The following PCNX2 variants were observed in gnomAD, a reference collection of about 807,000 sequenced individuals.
The protein encoded by PCNX2 is pecanex 2.
A neutral mutation model predicts 223.8 loss-of-function variants in PCNX2; 168 were observed. The ratio of observed to expected loss-of-function variants is 0.75; its 90% CI spans 0.66 to 0.85. PCNX2 has a LOEUF of 0.85. Ranked by LOEUF, PCNX2 falls within the 40% of genes least tolerant of loss-of-function variation. The probability of loss-of-function intolerance (pLI) is 0.00; values close to 1 mark genes in which losing one functional copy is unlikely to be tolerated. For synonymous variants in PCNX2, 1,006 were observed against 1,052.6 expected, an observed-to-expected ratio of 0.96 and a Z score of 0.86; for missense variants, 2,507 against 2,675.5, an observed-to-expected ratio of 0.94 and a Z score of 1.39.
At position 233,295,495 on chromosome 1, in the gene PCNX2, G is replaced by A. The variant is rs10442595; in HGVS notation, c.-17C>T. The A allele has an allele frequency of 0.13, 203,713 of 1,543,580 alleles. 14,570 individuals carry two copies. The highest frequency in any genetic ancestry group is 0.15 in the Non-Finnish European group (167,017 of 1,143,910). On this transcript the variant is annotated 5_prime_UTR_variant, in exon 1 of 34. Transcript: ENST00000258229. This position sits in a 1 kb window ranked among gnomAD's most constrained non-coding sequence, Gnocchi z 4.1. ...GGACACCATGCCGGCTGCGCCCCGG[G>A]GCTGGTGAGCGCCCCGCTGCACCCT...
chr1:233,196,509 T>C (rs1425148247), intron 15 of PCNX2, among the ~76,000 whole-genome samples: 1 of 152,148 alleles, frequency 6.6e-6, no homozygotes, highest in Non-Finnish European at 1.5e-5. Flanking sequence ...AGAACTCTTA[T>C]GTCTCAATAA....
chr1:233,232,137 G>T (rs920897627), intron 9 of PCNX2, among the ~76,000 whole-genome samples: 2 of 152,198 alleles, frequency 1.3e-5, no homozygotes, highest in Non-Finnish European at 2.9e-5. Flanking sequence ...CAGTGGCTAT[G>T]TTTAGCAGCC....
At chr1:233,190,223 C>T (rs1250912528) in intron 15 of PCNX2, among the ~76,000 whole-genome samples, 1 of 152,004 alleles carries the variant, frequency 6.6e-6, no homozygotes, top group Non-Finnish European at 1.5e-5. Context: ...AAAAAAAAAT[C>T]AATTCCAGCA....
the PCNX2 span, among the ~76,000 whole-genome samples, chr1:233,325,076 A>G: frequency 1.3e-5 from 2 of 152,340 alleles, no homozygotes; most frequent in East Asian, 3.9e-4. Context: ...ATGGATTACA[A>G]AGTCACTTTG....
At chr1:233,018,632 T>TC (rs1213918549) in intron 26 of PCNX2, 6 of 377,032 alleles carry the variant, frequency 1.6e-5, no homozygotes, top group African/African-American at 2.2e-5. Context: ...CCAAGCCTGA[T>TC]AGGCTTGGAT....
rs75937683 is a variant in PCNX2 at position 232,986,205 on chromosome 1, C to T, written c.6127G>A (p.Val2043Ile). The change falls in exon 33 of 34, where the codon GTC becomes ATC. Residue 2043 changes from valine to isoleucine, a missense_variant. Around this residue, in one of 3 missense-constraint regions of PCNX2, gnomAD observed 1,372 missense variants for 1,509.4 expected, o/e 0.91. Coordinates refer to ENST00000258229, the MANE Select transcript of PCNX2 (RefSeq NM_014801.4). The stretch of plus-strand genomic sequence containing the variant: ...TCCGCAGCAGAGAGTCCGGAAATGA[C>T]GAGCGCGCTGGAAAAGCTCCTCTTG... ...FGKRSFSSALVISGLSAAEGG... is the reference protein window; with the variant it reads ...FGKRSFSSALIISGLSAAEGG... The T allele has an allele frequency of 8.4e-5, 131 of 1,559,428 alleles. No homozygotes were observed. In the East Asian group the frequency reaches 1.5e-3, roughly 18 times the overall value.
At chr1:233,222,735 G>A (rs965782944) in intron 10 of PCNX2, among the ~76,000 whole-genome samples, 3 of 152,122 alleles carry the variant, frequency 2.0e-5, no homozygotes, top group Admixed American at 6.5e-5. Context: ...AAGGAAAGAC[G>A]ACTCAAGGAC....
intron 21 of PCNX2, among the ~76,000 whole-genome samples, chr1:233,108,248 G>A (rs1347799117): frequency 2.0e-5 from 3 of 152,126 alleles, no homozygotes; most frequent in South Asian, 2.1e-4. Flanking sequence ...TTTCTTGTGC[G>A]AGATCCAAGA....
intron 21 of PCNX2, among the ~76,000 whole-genome samples, chr1:233,129,945 T>C (rs1033819497): frequency 1.3e-5 from 2 of 152,178 alleles, no homozygotes; most frequent in African/African-American, 4.8e-5. Context: ...GCAATAAACC[T>C]TTTTGCTGCT....
In PCNX2 at chr1:233,025,405, C is replaced by T. The variant is rs773211979; in HGVS notation, c.4352-6G>A. The T allele has an allele frequency of 5.6e-6, 9 of 1,613,050 alleles. No individual in the cohort carries two copies. Among genetic ancestry groups the T allele is most frequent in the Admixed American group, 1.7e-5 (1 of 59,994 alleles). On this transcript the variant is annotated splice_region_variant and splice_polypyrimidine_tract_variant and intron_variant, in intron 25 of 33. Transcript: ENST00000258229. Reference sequence around the variant, plus strand: ...CCTCTGCTGGCAGTAGGTTCCTGGCCGAGCACAAACATGAAGGAAGTTTGA... The same window carrying T: ...CCTCTGCTGGCAGTAGGTTCCTGGCTGAGCACAAACATGAAGGAAGTTTGA...
At chr1:233,288,780 G>C (rs1423054587) in intron 1 of PCNX2, 1 of 661,666 alleles carries the variant, frequency 1.5e-6, no homozygotes, top group East Asian at 2.7e-5. Context: ...TTCTTTTGGA[G>C]GCCCAGGACC....
At chr1:233,048,855 G>A (rs1037913611) in intron 25 of PCNX2, among the ~76,000 whole-genome samples, 4 of 152,042 alleles carry the variant, frequency 2.6e-5, no homozygotes, top group African/African-American at 9.7e-5. Context: ...GAATACAAAA[G>A]ATCTTCAGAG....
intron 21 of PCNX2, among the ~76,000 whole-genome samples, chr1:233,102,087 CTTTTT>C (rs201107797): frequency 0.15 from 19,198 of 124,970 alleles, 1,278 homozygotes; most frequent in East Asian, 0.23. Context: ...ATTCATTTTT[CTTTTT>C]TTTTTTTTTT....
intron 23 of PCNX2, among the ~76,000 whole-genome samples, chr1:233,087,501 AT>A (rs1364984447): frequency 3.9e-5 from 6 of 152,250 alleles, no homozygotes; most frequent in African/African-American, 1.4e-4. Flanking sequence ...GAACGGCCAC[AT>A]AGAAACTCTG....
intron 13 of PCNX2, chr1:233,201,960 A>G (rs1396280139): frequency 4.5e-6 from 1 of 223,448 alleles, no homozygotes; most frequent in Non-Finnish European, 9.6e-6. Flanking sequence ...TTAATGAAAC[A>G]ATACAGGAAG....
chr1:233,167,360 G>A (rs1382546818), intron 17 of PCNX2, among the ~76,000 whole-genome samples: 1 of 150,818 alleles, frequency 6.6e-6, no homozygotes, highest in African/African-American at 2.4e-5. Flanking sequence ...GAGAGAGAGA[G>A]TCAAACATAC....
intron 32 of PCNX2, among the ~76,000 whole-genome samples, chr1:232,988,265 GAC>G (rs1199407484): frequency 1.2e-3 from 185 of 152,264 alleles, no homozygotes; most frequent in Non-Finnish European, 2.0e-3. Context: ...CTCAATAGAA[GAC>G]CACCCATACT....
intron 23 of PCNX2, among the ~76,000 whole-genome samples, chr1:233,070,316 T>A (rs1672799090): frequency 6.6e-6 from 1 of 152,168 alleles, no homozygotes; most frequent in Non-Finnish European, 1.5e-5. Context: ...ATACTTAATA[T>A]CTTTCAGAAA....
chr1:233,095,668 C>A (rs1420433859), intron 22 of PCNX2, 87 bp downstream of exon 22: 7 of 1,225,920 alleles, frequency 5.7e-6, no homozygotes, highest in Non-Finnish European at 8.2e-6. Context: ...ACTTTAAAAT[C>A]TTTTTATTGC....
Sources: allele counts gnomAD v4.1 joint callset (sites outside exome capture counted in the v4.1 genomes callset), GRCh38; gene constraint gnomAD v4.1.1; regional missense constraint gnomAD v4.1.1; non-coding constraint Gnocchi (gnomAD v3.1); transcripts MANE v1.5; gene names NCBI Gene and HGNC (gene_info 2026-07-23, HGNC 2026-07-21).